LRR1: variants seen among roughly 807,000 people sequenced by gnomAD.
LRR1 encodes leucine rich repeat protein 1, also known as leucine-rich repeat protein 1.
LRR1 carries 29 observed loss-of-function variants against 31.6 expected under a neutral mutation model. That is an observed-to-expected ratio of 0.92 (90% confidence interval 0.68 to 1.25). The LOEUF (loss-of-function observed/expected upper bound fraction) is 1.25. LRR1 is among the 50% of genes most tolerant of loss of function. The pLI, the probability that LRR1 is intolerant of heterozygous loss-of-function variation, is 0.00. For missense variants in LRR1, 485 were observed against 487.2 expected, an observed-to-expected ratio of 1.00 and a Z score of 0.04; for synonymous variants, 179 against 181.4, an observed-to-expected ratio of 0.99 and a Z score of 0.10.
chr14:49,599,436 C>T (rs894315370), intron 1 of LRR1, among the ~76,000 whole-genome samples: 2 of 152,208 alleles, frequency 1.3e-5, no homozygotes, highest in African/African-American at 4.8e-5. Context: ...TTTTTCCTCC[C>T]CACTTTTACG....
intron 3 of LRR1, 57 bp from the exon 4 acceptor site, chr14:49,614,199 T>A: frequency 6.5e-7 from 1 of 1,528,006 alleles, no homozygotes; most frequent in South Asian, 1.2e-5. Context: ...GTCCTAATAA[T>A]TCATGTCCTG....
intron 1 of LRR1, chr14:49,600,694 A>G: frequency 8.4e-7 from 1 of 1,189,616 alleles, no homozygotes; most frequent in Non-Finnish European, 1.2e-6. Context: ...CAGACCTTTT[A>G]TAGGTAATGA....
At position 49,606,307 on chromosome 14, in the gene LRR1, G is replaced by A. The variant is rs118081749; in HGVS notation, c.283-1093G>A. ...CTCCCAAAGTGCTAGGATTATAGGC[G>A]TGAGCCACCAGTCCCAGCCTTTTTT... On this transcript the variant is annotated intron_variant, in intron 2 of 3. Transcript: ENST00000298288. Among the ~76,000 whole-genome samples, 621 of 152,032 alleles carry A rather than the reference G, an allele frequency of 4.1e-3. 4 individuals are homozygous for A. The highest frequency in any genetic ancestry group is 0.021 in the Middle Eastern group (6 of 292).
Position 49,598,968 on chromosome 14 carries a change from G to T in LRR1, c.-53G>T. Reference sequence around the variant, plus strand: ...GACCCCGATGGCGGCGCCGGGTGGCGGGAAGGAGGAAGTTTCAAAGCCAGC... The same window carrying T: ...GACCCCGATGGCGGCGCCGGGTGGCTGGAAGGAGGAAGTTTCAAAGCCAGC... On this transcript the variant is annotated 5_prime_UTR_variant, in exon 1 of 4. Transcript: ENST00000298288. The T allele has an allele frequency of 1.3e-6, 2 of 1,545,666 alleles. No homozygotes were observed. Among genetic ancestry groups the T allele is most frequent in the Non-Finnish European group, 1.8e-6 (2 of 1,142,190 alleles).
chr14:49,603,631 A>G, intron 2 of LRR1: 1 of 1,000,020 alleles, frequency 1.0e-6, no homozygotes, highest in Non-Finnish European at 1.2e-6. Context: ...GGGTGCCACC[A>G]CTCCTGGCGA....
intron 1 of LRR1, chr14:49,600,845 G>A (rs1157345214): frequency 1.0e-5 from 9 of 898,526 alleles, no homozygotes; most frequent in African/African-American, 3.4e-5. Flanking sequence ...TCAACTAGAA[G>A]GTACAATCTC....
intron 3 of LRR1, among the ~76,000 whole-genome samples, chr14:49,609,697 G>A (rs1050339517): frequency 1.2e-4 from 18 of 149,040 alleles, no homozygotes; most frequent in Admixed American, 4.7e-4. Flanking sequence ...GTGAGCCACC[G>A]CGCCTGGCCT....
rs1212605085 is a variant in LRR1, at chr14:49,609,231, T to TTTTTTTTTC, written c.1004+1118_1004+1119insCTTTTTTTT. Among the ~76,000 whole-genome samples, 22 of 106,666 alleles carry TTTTTTTTTC rather than the reference T, an allele frequency of 2.1e-4. 1 individual carries two copies. The highest frequency in any genetic ancestry group is 3.8e-4 in the Non-Finnish European group (19 of 49,562). 70.0% of individuals were successfully genotyped at this position (106,666 alleles called of 152,430 possible). A position where few individuals can be genotyped will look rare whatever the true frequency, so the allele number is the denominator to read the frequency against. ...CACACCTGGCCCTTTTTTTTTTTTT[T>TTTTTTTTTC]TTTTTTTTTTTTGAGACAGGGTCTC... On this transcript the variant is annotated intron_variant, in intron 3 of 3. Coordinates refer to ENST00000298288, the MANE Select transcript of LRR1 (RefSeq NM_152329.4).
In LRR1 at chr14:49,599,054, C is replaced by A. The variant is rs1386502298; in HGVS notation, c.34C>A (p.Arg12=). The A allele has an allele frequency of 3.1e-6, 5 of 1,609,480 alleles. No homozygotes were observed. Among genetic ancestry groups the A allele is most frequent in the Non-Finnish European group, 4.2e-6 (5 of 1,178,040 alleles). ...ACACTGTGAGGTGGAGGTGATCAGC[C>A]GGCACTTGCCCGCCTTGGGGCTTAG... ...KLHCEVEVIS[R]HLPALGLRNR... Residue 12 remains arginine (R), a synonymous_variant, in exon 1 of 4, where the codon CGG becomes AGG. Transcript: ENST00000298288.
intron 3 of LRR1, among the ~76,000 whole-genome samples, chr14:49,613,614 C>G (rs1425685647): frequency 6.6e-6 from 1 of 151,848 alleles, no homozygotes; most frequent in African/African-American, 2.4e-5. Flanking sequence ...CGAGACCAGC[C>G]TGGCCAACAT....
Position 49,608,077 on chromosome 14 carries a change from A to G in LRR1, c.960A>G (p.Pro320=), listed in dbSNP as rs539925851. 3.7e-6 allele frequency: 6 copies of G among 1,602,514 alleles called. No individual in the cohort carries two copies. The highest frequency in any genetic ancestry group is 3.5e-5 in the Admixed American group (2 of 56,656). The change falls in exon 3 of 4, where the codon CCA becomes CCG. Residue 320 remains proline (P), a synonymous_variant. Transcript: ENST00000298288. ...KVLPVIKLQA[P]LTLLESSART... ...TTCCAGTAATAAAGCTGCAAGCACCATTAACTTTATTGGAATCTTCTGCAC... is the reference window on the plus strand; with the variant it reads ...TTCCAGTAATAAAGCTGCAAGCACCGTTAACTTTATTGGAATCTTCTGCAC...
At position 49,606,066 on chromosome 14, in the gene LRR1, G is replaced by A. The variant is rs542236492; in HGVS notation, c.283-1334G>A. ...TTTTTTTATATGGAGTCGCTCTGTC[G>A]CCCAGGCTGCCGTGCAGTCTTGCGA... On this transcript the variant is annotated intron_variant, in intron 2 of 3. Coordinates refer to ENST00000298288, the MANE Select transcript of LRR1 (RefSeq NM_152329.4). Among the ~76,000 whole-genome samples the A allele has an allele frequency of 3.2e-4, 45 of 141,398 alleles. 1 individual carries two copies. Among genetic ancestry groups the A allele is most frequent in the Non-Finnish European group, 6.4e-4 (43 of 66,716 alleles). 92.8% of individuals were successfully genotyped at this position (141,398 alleles called of 152,430 possible).
chr14:49,614,371 A>G lies in LRR1; in HGVS notation c.1120A>G (p.Met374Val). 1.9e-6 allele frequency: 3 copies of G among 1,614,058 alleles called. No individual in the cohort carries two copies. Among genetic ancestry groups the G allele is most frequent in the Non-Finnish European group, 2.5e-6 (3 of 1,179,986 alleles). ...CTCTTTCATTCAAGGAACTACTACC[A>G]TGAATCTGCATTCTGTTGCCCACAC... ...LNSFIQGTTT[M>V]NLHSVAHTVV... is the part of the protein sequence containing the mutation. Residue 374 changes from methionine (M) to valine (V), a missense_variant, in exon 4 of 4, where the codon ATG (methionine) becomes GTG (valine). Met to Val is a conservative substitution (Grantham distance 21). Coordinates refer to ENST00000298288, the MANE Select transcript of LRR1 (RefSeq NM_152329.4).
chr14:49,602,584 G>A, intron 2 of LRR1, 116 bp downstream of exon 2: 1 of 763,452 alleles, frequency 1.3e-6, no homozygotes, highest in Non-Finnish European at 2.2e-6. Flanking sequence ...ATAGCTCACT[G>A]CATCAAACAC....
intron 1 of LRR1, chr14:49,600,245 C>A: frequency 4.0e-6 from 6 of 1,486,370 alleles, no homozygotes; most frequent in Non-Finnish European, 5.6e-6. Flanking sequence ...CCGACGTCTT[C>A]CTTATATGCT....
At chr14:49,605,672 C>G (rs1882253238) in intron 2 of LRR1, among the ~76,000 whole-genome samples, 1 of 152,126 alleles carries the variant, frequency 6.6e-6, no homozygotes, top group Non-Finnish European at 1.5e-5. Flanking sequence ...CTCTTGCTTC[C>G]AGCAACATTT....
At position 49,608,003 on chromosome 14, in the gene LRR1, C is replaced by T. The variant is rs1164836542; in HGVS notation, c.886C>T (p.Leu296Phe). Reference sequence around the variant, plus strand: ...GCCTAGTGAATTTAGAAATTTATCCCTTGAATACTTGGATCTTTTTGGAAA... The same window carrying T: ...GCCTAGTGAATTTAGAAATTTATCCTTTGAATACTTGGATCTTTTTGGAAA... Reference protein sequence around the residue: ...FLPSEFRNLSLEYLDLFGNTF... With the variant: ...FLPSEFRNLSFEYLDLFGNTF... Residue 296 changes from leucine (L) to phenylalanine (F), a missense_variant, in exon 3 of 4, where the codon CTT (leucine) becomes TTT (phenylalanine). Around this residue, in one of 3 missense-constraint regions of LRR1, gnomAD observed 210 missense variants for 200.4 expected, o/e 1.05. Transcript: ENST00000298288. 1.2e-6 allele frequency: 2 copies of T among 1,613,940 alleles called. No individual in the cohort carries two copies. Among genetic ancestry groups the T allele is most frequent in the Non-Finnish European group, 1.7e-6 (2 of 1,179,984 alleles).
chr14:49,601,612 G>A, intron 1 of LRR1: 2 of 1,289,560 alleles, frequency 1.6e-6, no homozygotes, highest in Non-Finnish European at 2.0e-6. Flanking sequence ...CTACTGGGAG[G>A]TGTGCCCACC....
At chr14:49,604,141 A>C (rs111645722) in intron 2 of LRR1, among the ~76,000 whole-genome samples, 72,886 of 147,736 alleles carry the variant, frequency 0.49, 18,222 homozygotes, top group Middle Eastern at 0.56. Context: ...TGTCTCCACA[A>C]AAAAAAAAAA....
Sources: allele counts gnomAD v4.1 joint callset (sites outside exome capture counted in the v4.1 genomes callset), GRCh38; gene constraint gnomAD v4.1.1; regional missense constraint gnomAD v4.1.1; transcripts MANE v1.5; gene names NCBI Gene and HGNC (gene_info 2026-07-23, HGNC 2026-07-21).